Variants in PI4K2A observed in about 807,000 individuals in gnomAD.
PI4K2A encodes phosphatidylinositol 4-kinase type 2-alpha.
PI4K2A carries 20 observed loss-of-function variants against 55.0 expected under a neutral mutation model. The observed-to-expected ratio is 0.36, with a 90% CI of 0.26 to 0.53. PI4K2A has a LOEUF of 0.53. Among genes scored for constraint, PI4K2A ranks in the 20% least tolerant of loss-of-function variants. The pLI, the probability that PI4K2A is intolerant of heterozygous loss-of-function variation, is 0.91. For synonymous variants in PI4K2A, 235 were observed against 258.5 expected, an observed-to-expected ratio of 0.91 and a Z score of 0.87; for missense variants, 463 against 637.1, an observed-to-expected ratio of 0.73 and a Z score of 2.94.
At position 97,656,203 on chromosome 10, in the gene PI4K2A, A is replaced by G; in HGVS notation, c.637-82A>G. 1.7e-6 allele frequency: 2 copies of G among 1,153,970 alleles called. No individual in the cohort carries two copies. Among genetic ancestry groups the G allele is most frequent in the Non-Finnish European group, 2.6e-6 (2 of 782,438 alleles). 71.5% of individuals were successfully genotyped at this position (1,153,970 alleles called of 1,614,324 possible). A position where few individuals can be genotyped will look rare whatever the true frequency, so the allele number is the denominator to read the frequency against. On this transcript the variant is annotated intron_variant, in intron 2 of 8. Transcript: ENST00000370631. The surrounding 1 kb of genome is among the most constrained non-coding windows in gnomAD (Gnocchi z 4.5). The stretch of plus-strand genomic sequence containing the variant: ...TGGAAGAGGAATAGGATTTGTGAAC[A>G]TCAAGCTATTTATTCTCTGCCATAG...
rs532476292 is a variant in PI4K2A, at chr10:97,673,979, G to A, written c.*237G>A. ...GGAGCTCCATGCACGTAGTCCAGAT[G>A]CCTGGGAAGGAACATCTCCCTTCCA... On this transcript the variant is annotated 3_prime_UTR_variant, in exon 9 of 9. Transcript: ENST00000370631. 74 of 477,222 alleles carry A rather than the reference G, an allele frequency of 1.6e-4. No homozygotes were observed. The East Asian group carries it at 2.4e-3, about 15-fold the overall frequency. 29.6% of individuals were successfully genotyped at this position (477,222 alleles called of 1,614,324 possible).
intron 1 of PI4K2A, among the ~76,000 whole-genome samples, chr10:97,650,248 C>CA (rs1161297285): frequency 6.8e-6 from 1 of 147,142 alleles, no homozygotes; most frequent in East Asian, 2.1e-4. Context: ...GCCAGTGACT[C>CA]ACGATCTACC....
At chr10:97,671,467 A>G (rs1348820590) in intron 8 of PI4K2A, among the ~76,000 whole-genome samples, 2 of 152,260 alleles carry the variant, frequency 1.3e-5, no homozygotes, top group South Asian at 4.1e-4. Flanking sequence ...AGAAAAAAAA[A>G]AATTAGGGGA....
chr10:97,643,524 A>AGGCCAC (rs2041489143), intron 1 of PI4K2A, among the ~76,000 whole-genome samples: 1 of 152,186 alleles, frequency 6.6e-6, no homozygotes, highest in South Asian at 2.1e-4. Context: ...CTCAGTACAT[A>AGGCCAC]GGCCACAGAG....
Position 97,667,212 on chromosome 10 carries a change from C to G in PI4K2A, c.1278+92C>G, listed in dbSNP as rs1451339518. 1.5e-5 allele frequency: 13 copies of G among 853,522 alleles called. No homozygotes were observed. In the East Asian group the frequency reaches 4.1e-4, roughly 27 times the overall value. 52.9% of individuals were successfully genotyped at this position (853,522 alleles called of 1,614,324 possible). Reference sequence around the variant, plus strand: ...AATGTTTGAAGTTTGTGTTTTATACCCCCCCCTTTTTTTTTGAGACCGAGT... The same window carrying G: ...AATGTTTGAAGTTTGTGTTTTATACGCCCCCCTTTTTTTTTGAGACCGAGT... On this transcript the variant is annotated intron_variant, in intron 8 of 8. Transcript: ENST00000370631.
chr10:97,643,423 T>G (rs867812381), intron 1 of PI4K2A, among the ~76,000 whole-genome samples: 1 of 151,818 alleles, frequency 6.6e-6, no homozygotes, highest in Non-Finnish European at 1.5e-5. Flanking sequence ...GCATTGGAAG[T>G]GGGTTAGGTC....
intron 8 of PI4K2A, among the ~76,000 whole-genome samples, chr10:97,672,725 C>CTTTTTTTTTTTTT (rs146627600): frequency 2.4e-5 from 2 of 83,978 alleles, no homozygotes; most frequent in African/African-American, 5.2e-5. Flanking sequence ...AGGGTCTGTT[C>CTTTTTTTTTTTTT]TTTTTTTTTT....
In PI4K2A at chr10:97,656,430, T is replaced by G. The variant is rs949378683; in HGVS notation, c.768+14T>G. ...CTACCACCAAAGGTATAGACGCACCTCTGGCTTATCAAGGGTCATGATTTA... is the reference window on the plus strand; with the variant it reads ...CTACCACCAAAGGTATAGACGCACCGCTGGCTTATCAAGGGTCATGATTTA... On this transcript the variant is annotated intron_variant, in intron 3 of 8. Coordinates refer to ENST00000370631, the Ensembl canonical transcript of PI4K2A. This position sits in a 1 kb window ranked among gnomAD's most constrained non-coding sequence, Gnocchi z 4.5. The G allele has an allele frequency of 3.5e-5, 56 of 1,612,288 alleles. No homozygotes were observed. In the African/African-American group the frequency reaches 7.1e-4, roughly 20 times the overall value.
At chr10:97,640,969 C>G in exon 1 of PI4K2A, 1 of 1,523,392 alleles carries the variant, frequency 6.6e-7, no homozygotes, top group Non-Finnish European at 8.8e-7. Context: ...CAGACCCAAA[C>G]CGTGGCGGCG....
intron 4 of PI4K2A, among the ~76,000 whole-genome samples, chr10:97,660,864 A>G (rs2041579199): frequency 6.6e-6 from 1 of 151,508 alleles, no homozygotes. Flanking sequence ...AATAAACCCC[A>G]TGTACTTGTT....
At chr10:97,642,850 C>CCTT (rs2041480865) in intron 1 of PI4K2A, among the ~76,000 whole-genome samples, 4 of 80,344 alleles carry the variant, frequency 5.0e-5, no homozygotes, top group Admixed American at 2.6e-4. Flanking sequence ...TTCCTTCCTT[C>CCTT]CTTTCTTTCT....
In PI4K2A at chr10:97,673,872, C is replaced by A. The variant is rs546628035; in HGVS notation, c.*130C>A. 35 of 787,550 alleles carry A rather than the reference C, an allele frequency of 4.4e-5. No homozygotes were observed. In the Middle Eastern group the frequency reaches 1.0e-3, roughly 24 times the overall value. 48.8% of individuals were successfully genotyped at this position (787,550 alleles called of 1,614,324 possible). ...AGAGCCCTCTCTCTCTGCTTGCCAC[C>A]CTGCTCAGAGCTTTCCACCCACAGG... On this transcript the variant is annotated 3_prime_UTR_variant, in exon 9 of 9. Transcript: ENST00000370631.
At position 97,651,156 on chromosome 10, in the gene PI4K2A, TC is replaced by T; in HGVS notation, c.636+17del. On this transcript the variant is annotated intron_variant, in intron 2 of 8. Transcript: ENST00000370631. Reference sequence around the variant, plus strand: ...CCCGTACAAAGGTCAGTGACCCATCTCCAGGAAGCCTTACTGCCTGGCCACA... The same window carrying T: ...CCCGTACAAAGGTCAGTGACCCATCTCAGGAAGCCTTACTGCCTGGCCACA... 2 of 1,604,920 alleles carry T rather than the reference TC, an allele frequency of 1.2e-6. No individual in the cohort carries two copies. Among genetic ancestry groups the T allele is most frequent in the Non-Finnish European group, 1.7e-6 (2 of 1,173,224 alleles).
chr10:97,654,545 G>T (rs1026870190), intron 2 of PI4K2A, among the ~76,000 whole-genome samples: 5 of 152,086 alleles, frequency 3.3e-5, no homozygotes, highest in South Asian at 2.1e-4. Context: ...TTGATTTTAG[G>T]TATTTATATG....
At chr10:97,641,143 C>A in exon 1 of PI4K2A, 2 of 1,606,914 alleles carry the variant, frequency 1.2e-6, no homozygotes, top group Non-Finnish European at 8.5e-7. Context: ...TACCAGGGCT[C>A]CAGCGGAAGC....
At chr10:97,666,286 C>T in intron 6 of PI4K2A, 152 bp from the exon 7 acceptor site, 1 of 654,854 alleles carries the variant, frequency 1.5e-6, no homozygotes. Context: ...AGCTGTGTAA[C>T]CTTTACAGTT....
chr10:97,652,783 A>G (rs1280711301), intron 2 of PI4K2A, among the ~76,000 whole-genome samples: 1 of 152,230 alleles, frequency 6.6e-6, no homozygotes, highest in Non-Finnish European at 1.5e-5. Context: ...GAAGTCAGAG[A>G]CCACTTCTCA....
At chr10:97,665,851 A>C (rs1017850965) in intron 6 of PI4K2A, among the ~76,000 whole-genome samples, 2 of 152,108 alleles carry the variant, frequency 1.3e-5, no homozygotes, top group Admixed American at 6.5e-5. Flanking sequence ...TTGGCCTCCC[A>C]AAGTGCTGGG....
Position 97,641,190 on chromosome 10 carries a change from G to C in PI4K2A, c.435+13G>C, listed in dbSNP as rs557722141. Reference sequence around the variant, plus strand: ...GGACCCTCAGGGGGTGAGTGCGGGGGTGGGGACCGCCGCCGCGGGCTGAGG... The same window carrying C: ...GGACCCTCAGGGGGTGAGTGCGGGGCTGGGGACCGCCGCCGCGGGCTGAGG... On this transcript the variant is annotated intron_variant, in intron 1 of 8. Coordinates refer to ENST00000370631, the Ensembl canonical transcript of PI4K2A. 6.3e-7 allele frequency: 1 copy of C among 1,587,066 alleles called. No individual in the cohort carries two copies. The highest frequency in any genetic ancestry group is 1.4e-5 in the African/African-American group (1 of 73,162).
Sources: gnomAD v4.1 joint callset for allele counts (sites outside exome capture counted in the v4.1 genomes callset) on GRCh38, gnomAD v4.1.1 for gene constraint, Gnocchi (gnomAD v3.1) non-coding constraint, MANE v1.5 for transcripts, NCBI Gene and HGNC (gene_info 2026-07-23, HGNC 2026-07-21) for gene names.